NPSR1: variants seen among roughly 807,000 people sequenced by gnomAD.
NPSR1 encodes neuropeptide S receptor 1.
A neutral mutation model predicts 46.9 loss-of-function variants in NPSR1; 48 were observed. That is an observed-to-expected ratio of 1.02 (90% CI 0.81 to 1.30). NPSR1 has a LOEUF of 1.30. NPSR1 is among the 50% of genes most tolerant of loss of function. The pLI is 0.00. For missense variants in NPSR1, 450 were observed against 449.5 expected, an observed-to-expected ratio of 1.00 and a Z score of -0.01; for synonymous variants, 176 against 168.1, an observed-to-expected ratio of 1.05 and a Z score of -0.36.
chr7:34,743,625 A>T (rs1785061245), intron 2 of NPSR1, among the ~76,000 whole-genome samples: 1 of 152,186 alleles, frequency 6.6e-6, no homozygotes, highest in Non-Finnish European at 1.5e-5. Flanking sequence ...TTTTTAGTAC[A>T]GACGGGGTTT....
chr7:34,698,051 GAAACA>G (rs775920129), intron 2 of NPSR1, among the ~76,000 whole-genome samples: 2 of 151,970 alleles, frequency 1.3e-5, no homozygotes, highest in African/African-American at 4.8e-5. Flanking sequence ...AAAAAATAAT[GAAACA>G]AAACAAAACA....
intron 2 of NPSR1, among the ~76,000 whole-genome samples, chr7:34,749,437 T>A (rs1325415115): frequency 6.6e-6 from 1 of 152,216 alleles, no homozygotes; most frequent in Non-Finnish European, 1.5e-5. Context: ...TCCAAACACG[T>A]GGGACATTTA....
chr7:34,784,470 A>G (rs1787370348), intron 3 of NPSR1, among the ~76,000 whole-genome samples: 2 of 152,078 alleles, frequency 1.3e-5, no homozygotes, highest in Admixed American at 1.3e-4. Flanking sequence ...GGTTCTGTTT[A>G]TATGCTGGAT....
intron 6 of NPSR1, among the ~76,000 whole-genome samples, chr7:34,839,071 A>T (rs1406826563): frequency 1.3e-5 from 2 of 152,254 alleles, no homozygotes; most frequent in Non-Finnish European, 2.9e-5. Context: ...AGCTTAAAAA[A>T]TTTAAGAGAA....
chr7:34,674,480 G>A (rs2128676836), intron 1 of NPSR1, among the ~76,000 whole-genome samples: 1 of 152,266 alleles, frequency 6.6e-6, no homozygotes, highest in South Asian at 2.1e-4. Context: ...AGGCCTCAGA[G>A]CCTGGTGCTG....
chr7:34,795,426 G>A (rs750384247), intron 3 of NPSR1, among the ~76,000 whole-genome samples: 4 of 151,756 alleles, frequency 2.6e-5, no homozygotes, highest in East Asian at 1.9e-4. Flanking sequence ...AGTGCAATGA[G>A]ACAAAAAAGG....
Position 34,827,450 on chromosome 7 carries a change from G to A in NPSR1, c.528G>A (p.Leu176=), listed in dbSNP as rs752126286. 11 of 1,614,094 alleles carry A rather than the reference G, an allele frequency of 6.8e-6. No individual in the cohort carries two copies. Among genetic ancestry groups the A allele is most frequent in the South Asian group, 1.1e-5 (1 of 91,076 alleles). ...LIVIAWSLSF[L]FSIPTLIIFG... Reference sequence around the variant, plus strand: ...TGATCGCCTGGAGCCTGTCTTTTCTGTTCTCCATTCCCACCCTGATCATAT... The same window carrying A: ...TGATCGCCTGGAGCCTGTCTTTTCTATTCTCCATTCCCACCCTGATCATAT... Residue 176 remains leucine, a synonymous_variant, in exon 5 of 9, where the codon CTG becomes CTA. Coordinates refer to ENST00000360581, the MANE Select transcript of NPSR1 (RefSeq NM_207172.2).
chr7:34,721,082 AG>A (rs1424132191), intron 2 of NPSR1, among the ~76,000 whole-genome samples: 1 of 152,226 alleles, frequency 6.6e-6, no homozygotes, highest in African/African-American at 2.4e-5. Context: ...AGACATAAAT[AG>A]GAACAGTGGC....
At chr7:34,763,219 A>G (rs1421747136) in intron 2 of NPSR1, among the ~76,000 whole-genome samples, 1 of 152,222 alleles carries the variant, frequency 6.6e-6, no homozygotes, top group East Asian at 1.9e-4. Flanking sequence ...TCTTTTAGAA[A>G]TCTGCTTAGG....
At position 34,665,481 on chromosome 7, in the gene NPSR1, T is replaced by C. The variant is rs1791694482; in HGVS notation, c.147+6922T>C. ...TTCTGGCAGATAAAACCCAAATCCT[T>C]GGGCCTGGCCTACTGGCCTTTCACA... is the stretch of plus-strand genomic sequence containing the variant. On this transcript the variant is annotated intron_variant, in intron 1 of 8. Transcript: ENST00000360581. Among the ~76,000 whole-genome samples, 6 of 152,204 alleles carry C rather than the reference T, an allele frequency of 3.9e-5. 1 individual carries two copies. Among genetic ancestry groups the C allele is most frequent in the Admixed American group, 3.9e-4 (6 of 15,284 alleles).
intron 3 of NPSR1, among the ~76,000 whole-genome samples, chr7:34,793,151 A>AC (rs1224004301): frequency 3.3e-5 from 5 of 152,032 alleles, no homozygotes; most frequent in Admixed American, 2.6e-4. Flanking sequence ...ACATAGTGAG[A>AC]CCCCCATCTA....
chr7:34,863,268 T>G (rs533636686), intron 8 of NPSR1, among the ~76,000 whole-genome samples: 11 of 151,782 alleles, frequency 7.2e-5, no homozygotes, highest in African/African-American at 2.4e-4. Flanking sequence ...GACCTAAAAC[T>G]ATAAAAACCC....
intron 3 of NPSR1, among the ~76,000 whole-genome samples, chr7:34,789,634 G>T (rs1187333247): frequency 7.0e-6 from 1 of 142,196 alleles, no homozygotes; most frequent in Non-Finnish European, 1.5e-5. Context: ...CTCTACTAAA[G>T]ATACAAAAAT....
chr7:34,755,931 C>A (rs1407435102), intron 2 of NPSR1, among the ~76,000 whole-genome samples: 2 of 152,162 alleles, frequency 1.3e-5, no homozygotes, highest in Non-Finnish European at 2.9e-5. Context: ...CCATGTTAGA[C>A]CTGCAGAAAC....
intron 4 of NPSR1, among the ~76,000 whole-genome samples, chr7:34,823,399 G>GAAAAAGAAAAAAAAAAAAA (rs1554336128): frequency 7.3e-5 from 5 of 68,256 alleles, no homozygotes; most frequent in African/African-American, 2.0e-4. Flanking sequence ...GACTTCACCA[G>GAAAAAGAAAAAAAAAAAAA]AAAAAAAAAA....
chr7:34,739,648 G>A (rs1012947480), intron 2 of NPSR1, among the ~76,000 whole-genome samples: 5 of 152,156 alleles, frequency 3.3e-5, no homozygotes, highest in African/African-American at 1.2e-4. Context: ...GGCTTCCTGA[G>A]AGCTGAGCTC....
chr7:34,868,201 A>G (rs561144320), intron 8 of NPSR1, among the ~76,000 whole-genome samples: 15 of 151,814 alleles, frequency 9.9e-5, no homozygotes, highest in African/African-American at 3.7e-4. Context: ...AGACCCTTTC[A>G]GCGATAGCCA....
chr7:34,672,533 T>A (rs1017390214), intron 1 of NPSR1, among the ~76,000 whole-genome samples: 1 of 80,902 alleles, frequency 1.2e-5, no homozygotes, highest in Non-Finnish European at 2.3e-5. Context: ...GAGATTAACA[T>A]TGTTAATAAA....
At chr7:34,776,159 C>G (rs1241590398) in intron 2 of NPSR1, among the ~76,000 whole-genome samples, 2 of 151,998 alleles carry the variant, frequency 1.3e-5, no homozygotes, top group South Asian at 2.1e-4. Flanking sequence ...AACATATAGT[C>G]TACTCTTGAG....
Sources: gnomAD v4.1 joint callset for allele counts (sites outside exome capture counted in the v4.1 genomes callset) on GRCh38, gnomAD v4.1.1 for gene constraint, MANE v1.5 for transcripts, NCBI Gene and HGNC (gene_info 2026-07-23, HGNC 2026-07-21) for gene names.